Variants in KIRREL3 observed in about 807,000 individuals in gnomAD.
The protein encoded by KIRREL3 is kirre like nephrin family adhesion molecule 3.
KIRREL3 carries 36 observed loss-of-function variants against 89.7 expected under a neutral mutation model. The ratio of observed to expected loss-of-function variants is 0.40; its 90% CI spans 0.31 to 0.53. KIRREL3 has a LOEUF of 0.53. Ranked by LOEUF, KIRREL3 falls within the 20% of genes least tolerant of loss-of-function variation. The pLI, the probability that KIRREL3 is intolerant of heterozygous loss-of-function variation, is 0.49. For missense variants in KIRREL3, 864 were observed against 1,056.6 expected, an observed-to-expected ratio of 0.82 and a Z score of 2.53; for synonymous variants, 445 against 441.4, an observed-to-expected ratio of 1.01 and a Z score of -0.10.
chr11:126,839,930 G>A (rs1339449983), intron 1 of KIRREL3, among the ~76,000 whole-genome samples: 4 of 152,174 alleles, frequency 2.6e-5, no homozygotes, highest in Admixed American at 1.3e-4. Context: ...TCCTCTTCCT[G>A]CTGCACTTCG....
At chr11:126,932,736 G>T (rs1707520516) in intron 1 of KIRREL3, among the ~76,000 whole-genome samples, 1 of 152,210 alleles carries the variant, frequency 6.6e-6, no homozygotes, top group South Asian at 2.1e-4. Flanking sequence ...TAAGTGAACA[G>T]CTTCTATGTG....
rs903685999 is a variant in KIRREL3, at chr11:126,776,161, C to T, written c.56-213249G>A. Among the ~76,000 whole-genome samples the T allele has an allele frequency of 3.9e-5, 6 of 152,330 alleles. No individual in the cohort carries two copies. The highest frequency in any genetic ancestry group is 6.5e-5 in the Admixed American group (1 of 15,314). Reference sequence around the variant, plus strand: ...TGCCGGGAGCCCTGACCTCTAGAAGCTGGTCCAGGCTGGTTGGCAGGTGGC... The same window carrying T: ...TGCCGGGAGCCCTGACCTCTAGAAGTTGGTCCAGGCTGGTTGGCAGGTGGC... On this transcript the variant is annotated intron_variant, in intron 1 of 16. Transcript: ENST00000525144. The surrounding 1 kb of genome is among the most constrained non-coding windows in gnomAD (Gnocchi z 4.7).
chr11:126,573,199 C>T (rs957622499), intron 1 of KIRREL3, among the ~76,000 whole-genome samples: 1 of 152,198 alleles, frequency 6.6e-6, no homozygotes, highest in African/African-American at 2.4e-5. Context: ...GCCTGGTTCA[C>T]AGTCCAGTGG....
chr11:126,838,141 G>A (rs543580921), intron 1 of KIRREL3, among the ~76,000 whole-genome samples: 1 of 152,264 alleles, frequency 6.6e-6, no homozygotes, highest in South Asian at 2.1e-4. Flanking sequence ...TGAAGGGAAA[G>A]GATTGTTAAT....
intron 1 of KIRREL3, among the ~76,000 whole-genome samples, chr11:126,665,660 C>T (rs946148286): frequency 2.2e-4 from 33 of 152,194 alleles, no homozygotes; most frequent in African/African-American, 7.7e-4. Context: ...GCACCTTGAT[C>T]TTGGACTTCT....
chr11:126,943,167 T>C lies in KIRREL3; in HGVS notation c.55+57288A>G, dbSNP rs1362365717. Reference sequence around the variant, plus strand: ...GGCCTGGGTGCTGCTCCTGCTCCACTGGGGCCTTCTCTTTGGGGTCTCAGG... The same window carrying C: ...GGCCTGGGTGCTGCTCCTGCTCCACCGGGGCCTTCTCTTTGGGGTCTCAGG... On this transcript the variant is annotated intron_variant, in intron 1 of 16. Coordinates refer to ENST00000525144, the MANE Select transcript of KIRREL3 (RefSeq NM_032531.4). The surrounding 1 kb of genome is among the most constrained non-coding windows in gnomAD (Gnocchi z 4.2). Among the ~76,000 whole-genome samples the C allele has an allele frequency of 1.3e-5, 2 of 152,224 alleles. No individual in the cohort carries two copies. Among genetic ancestry groups the C allele is most frequent in the Non-Finnish European group, 2.9e-5 (2 of 68,030 alleles).
At chr11:126,442,979 G>C (rs140015001) in intron 10 of KIRREL3, among the ~76,000 whole-genome samples, 1 of 152,142 alleles carries the variant, frequency 6.6e-6, no homozygotes, top group African/African-American at 2.4e-5. Context: ...GCCAGGGCCC[G>C]GGTTTCAGTG....
At chr11:126,688,634 C>T (rs1311505619) in intron 1 of KIRREL3, among the ~76,000 whole-genome samples, 1 of 152,190 alleles carries the variant, frequency 6.6e-6, no homozygotes, top group Non-Finnish European at 1.5e-5. Flanking sequence ...TTAGCTGCGT[C>T]AGCTCATAAT....
In KIRREL3 at chr11:126,530,418, A is replaced by G. The variant is rs780119136; in HGVS notation, c.134-3731T>C. ...CTTTATTTTCCCCATTTTCTTTTCT[A>G]CTCCAAAGAAGTGAAATGCAAGTGA... is the stretch of plus-strand genomic sequence containing the variant. On this transcript the variant is annotated intron_variant, in intron 2 of 16. Coordinates refer to ENST00000525144, the MANE Select transcript of KIRREL3 (RefSeq NM_032531.4). The surrounding 1 kb of genome is among the most constrained non-coding windows in gnomAD (Gnocchi z 5.8). Among the ~76,000 whole-genome samples the G allele has an allele frequency of 2.0e-5, 3 of 151,398 alleles. No homozygotes were observed. The highest frequency in any genetic ancestry group is 4.4e-5 in the Non-Finnish European group (3 of 67,852).
rs1031260045 is a variant in KIRREL3, at chr11:126,775,635, A to G, written c.56-212723T>C. 7.2e-5 allele frequency among the ~76,000 whole-genome samples: 11 copies of G among 152,154 alleles called. 1 individual carries two copies. Among genetic ancestry groups the G allele is most frequent in the Admixed American group, 2.6e-4 (4 of 15,274 alleles). On this transcript the variant is annotated intron_variant, in intron 1 of 16. Coordinates refer to ENST00000525144, the MANE Select transcript of KIRREL3 (RefSeq NM_032531.4). Reference sequence around the variant, plus strand: ...TAGGGCCTATTAGCATTCCCGGTGCATAGTAGGTGCTCAAGAAATACTCCC... The same window carrying G: ...TAGGGCCTATTAGCATTCCCGGTGCGTAGTAGGTGCTCAAGAAATACTCCC...
chr11:126,473,444 G>A lies in KIRREL3; in HGVS notation c.456C>T (p.Ile152=), dbSNP rs990996675. ...TVLVPPDDPV[I]LGGPVISLRA... is the part of the protein sequence containing the mutation. ...GCAGGCTGATCACAGGGCCCCCCAG[G>A]ATGACGGGGTCATCAGGCGGCACTG... Residue 152 remains isoleucine, a synonymous_variant, in exon 5 of 17, where the codon ATC becomes ATT. Coordinates refer to ENST00000525144, the MANE Select transcript of KIRREL3 (RefSeq NM_032531.4). 1 of 1,566,210 alleles carries A rather than the reference G, an allele frequency of 6.4e-7. No individual in the cohort carries two copies.
chr11:126,871,108 C>T (rs537467154), intron 1 of KIRREL3, among the ~76,000 whole-genome samples: 11 of 152,288 alleles, frequency 7.2e-5, no homozygotes, highest in East Asian at 3.9e-4. Flanking sequence ...ATGGACTCTT[C>T]GGAATCAGTT....
intron 7 of KIRREL3, among the ~76,000 whole-genome samples, chr11:126,451,268 G>A (rs944601136): frequency 6.7e-6 from 1 of 149,510 alleles, no homozygotes; most frequent in Admixed American, 6.7e-5. Flanking sequence ...TTGCTTGTGT[G>A]TCCGTGTGCA....
At chr11:126,482,919 T>A (rs1412061761) in intron 4 of KIRREL3, among the ~76,000 whole-genome samples, 2 of 152,256 alleles carry the variant, frequency 1.3e-5, no homozygotes, top group Non-Finnish European at 2.9e-5. Flanking sequence ...TGACTCACAG[T>A]TTTGGAGTGG....
chr11:126,767,133 G>T (rs1949849730), intron 1 of KIRREL3, among the ~76,000 whole-genome samples: 1 of 152,258 alleles, frequency 6.6e-6, no homozygotes, highest in Admixed American at 6.5e-5. Flanking sequence ...CAAAGACTGG[G>T]AGACAAAAGG....
rs376803610 is a variant in KIRREL3, at chr11:126,921,836, TTATC to T, written c.55+78615_55+78618del. On this transcript the variant is annotated intron_variant, in intron 1 of 16. Coordinates refer to ENST00000525144, the MANE Select transcript of KIRREL3 (RefSeq NM_032531.4). ...ACCTATCTTCCTGCCTTCCTATCTA[TTATC>T]TATCTATCATCTATCTTTCTGTCAT... Among the ~76,000 whole-genome samples, 1,505 of 151,078 alleles carry T rather than the reference TTATC, an allele frequency of 1.0e-2. 17 individuals are homozygous for T. The highest frequency in any genetic ancestry group is 0.015 in the Non-Finnish European group (1,043 of 67,640).
chr11:126,796,036 G>A lies in KIRREL3; in HGVS notation c.55+204419C>T, dbSNP rs1950800432. Among the ~76,000 whole-genome samples, 1 of 152,160 alleles carries A rather than the reference G, an allele frequency of 6.6e-6. No homozygotes were observed. Among genetic ancestry groups the A allele is most frequent in the Non-Finnish European group, 1.5e-5 (1 of 68,028 alleles). On this transcript the variant is annotated intron_variant, in intron 1 of 16. Coordinates refer to ENST00000525144, the MANE Select transcript of KIRREL3 (RefSeq NM_032531.4). The surrounding 1 kb of genome is among the most constrained non-coding windows in gnomAD (Gnocchi z 5.1). ...CAGTAATAAGCCACTCCACTGTCAT[G>A]TCTTCATTTAAATTGTTATTTAGAC...
At chr11:126,675,894 G>A (rs940520457) in intron 1 of KIRREL3, among the ~76,000 whole-genome samples, 1 of 152,210 alleles carries the variant, frequency 6.6e-6, no homozygotes, top group African/African-American at 2.4e-5. Context: ...AATCCAAGCA[G>A]AGAAGAGGAA....
intron 1 of KIRREL3, among the ~76,000 whole-genome samples, chr11:126,712,503 G>A (rs1182654424): frequency 6.6e-6 from 1 of 152,202 alleles, no homozygotes; most frequent in Non-Finnish European, 1.5e-5. Context: ...TCAATGTTGG[G>A]TTGCCCCCTT....
Sources: allele counts gnomAD v4.1 joint callset (sites outside exome capture counted in the v4.1 genomes callset), GRCh38; gene constraint gnomAD v4.1.1; non-coding constraint Gnocchi (gnomAD v3.1); transcripts MANE v1.5; gene names NCBI Gene and HGNC (gene_info 2026-07-23, HGNC 2026-07-21).